NUDT9: variants seen among roughly 807,000 people sequenced by gnomAD.
NUDT9 encodes nudix hydrolase 9.
Under a neutral mutation model 41.0 loss-of-function variants are expected in NUDT9, and 31 were observed. The observed-to-expected ratio is 0.76, with a 90% CI of 0.57 to 1.02. NUDT9 has a LOEUF of 1.02. NUDT9 is among the 50% of genes least tolerant of loss of function. The pLI is 0.00. For synonymous variants in NUDT9, 146 were observed against 147.6 expected (o/e 0.99, Z 0.08); for missense variants, 380 against 431.4 (o/e 0.88, Z 1.06).
chr4:87,449,265 A>C lies in NUDT9; in HGVS notation c.642+12A>C. 1 of 1,395,526 alleles carries C rather than the reference A, an allele frequency of 7.2e-7. No homozygotes were observed. Among genetic ancestry groups the C allele is most frequent in the Non-Finnish European group, 1.0e-6 (1 of 981,372 alleles). 86.4% of individuals were successfully genotyped at this position (1,395,526 alleles called of 1,614,324 possible). Reference sequence around the variant, plus strand: ...GGGCAATCCCAGGGGTAAGCATTAAAATTAAATTAGTGTTTAAGTTCCTTT... The same window carrying C: ...GGGCAATCCCAGGGGTAAGCATTAACATTAAATTAGTGTTTAAGTTCCTTT... On this transcript the variant is annotated intron_variant, in intron 5 of 7. Transcript: ENST00000302174.
intron 2 of NUDT9, among the ~76,000 whole-genome samples, chr4:87,437,578 G>A (rs1722007950): frequency 6.6e-6 from 1 of 152,060 alleles, no homozygotes; most frequent in South Asian, 2.1e-4. Flanking sequence ...TCCTGACCTT[G>A]TGATCTGCCC....
At chr4:87,434,118 A>C (rs1721802273) in intron 1 of NUDT9, 1 of 152,164 alleles carries the variant, frequency 6.6e-6, no homozygotes, top group Admixed American at 6.5e-5. Context: ...GCAGTGCCAC[A>C]ATCTCGGCTC....
chr4:87,437,023 C>T (rs1470989478), intron 2 of NUDT9, among the ~76,000 whole-genome samples: 14 of 151,844 alleles, frequency 9.2e-5, no homozygotes, highest in African/African-American at 2.4e-4. Flanking sequence ...CCGAGGCAGG[C>T]GGATCACTTG....
chr4:87,430,115 A>G (rs1057475676), intron 1 of NUDT9, among the ~76,000 whole-genome samples: 2 of 152,212 alleles, frequency 1.3e-5, no homozygotes, highest in Non-Finnish European at 2.9e-5. Context: ...GATCAAAGAT[A>G]TGATTACTAA....
At chr4:87,445,288 C>A (rs991467607) in intron 4 of NUDT9, 1 of 152,126 alleles carries the variant, frequency 6.6e-6, no homozygotes, top group African/African-American at 2.4e-5. Context: ...ACTAGTGAGT[C>A]TTTACTATAC....
chr4:87,438,262 G>A lies in NUDT9; in HGVS notation c.348-15G>A, dbSNP rs188685158. ...AATCATTATTTCTTATTTTACATTGGTATTCTCATTACAGTGAAAGTAATT... is the reference window on the plus strand; with the variant it reads ...AATCATTATTTCTTATTTTACATTGATATTCTCATTACAGTGAAAGTAATT... On this transcript the variant is annotated splice_polypyrimidine_tract_variant and intron_variant, in intron 2 of 7. Transcript: ENST00000302174. 116 of 1,370,920 alleles carry A rather than the reference G, an allele frequency of 8.5e-5. 2 individuals are homozygous for A. In the East Asian group the frequency reaches 2.6e-3, roughly 31 times the overall value. The allele number at this position is 1,370,920 out of a possible 1,614,324, so 84.9% of individuals were successfully genotyped here. A position where few individuals can be genotyped will look rare whatever the true frequency, so the allele number is the denominator to read the frequency against.
chr4:87,447,919 C>T (rs1722531497), intron 4 of NUDT9, among the ~76,000 whole-genome samples: 2 of 151,578 alleles, frequency 1.3e-5, no homozygotes, highest in South Asian at 4.2e-4. Context: ...GTAGTCCTAG[C>T]TACACAGGAG....
intron 1 of NUDT9, among the ~76,000 whole-genome samples, chr4:87,426,794 G>A (rs901416278): frequency 6.6e-6 from 1 of 151,846 alleles, no homozygotes; most frequent in East Asian, 1.9e-4. Flanking sequence ...TCAGCACTTT[G>A]GAAGTCCGAG....
At chr4:87,454,520 G>T (rs1417094019) in intron 7 of NUDT9, 65 bp downstream of exon 7, 14 of 1,038,534 alleles carry the variant, frequency 1.3e-5, no homozygotes, top group Non-Finnish European at 1.2e-5. Context: ...GCCCACTAAG[G>T]CATGATTAAA....
Position 87,438,382 on chromosome 4 carries a change from G to T in NUDT9, c.443+10G>T. On this transcript the variant is annotated intron_variant, in intron 3 of 7. Transcript: ENST00000302174. ...AAAATGGAAGACCGAGGTAGGTACTGGGAGCAGAGCATCTTACAATAATGA... is the reference window on the plus strand; with the variant it reads ...AAAATGGAAGACCGAGGTAGGTACTTGGAGCAGAGCATCTTACAATAATGA... 6.7e-7 allele frequency: 1 copy of T among 1,483,872 alleles called. No homozygotes were observed. Among genetic ancestry groups the T allele is most frequent in the South Asian group, 1.1e-5 (1 of 88,060 alleles). The allele number at this position is 1,483,872 out of a possible 1,614,324, so 91.9% of individuals were successfully genotyped here.
At chr4:87,429,631 CT>C (rs999635512) in intron 1 of NUDT9, among the ~76,000 whole-genome samples, 11 of 150,306 alleles carry the variant, frequency 7.3e-5, no homozygotes, top group African/African-American at 2.7e-4. Flanking sequence ...CTTTCTTGTT[CT>C]TTTTTTCTTA....
At chr4:87,441,641 C>T (rs189702723) in intron 3 of NUDT9, among the ~76,000 whole-genome samples, 188 bp from the exon 4 acceptor site, 3 of 152,048 alleles carry the variant, frequency 2.0e-5, no homozygotes, top group Non-Finnish European at 2.9e-5. Flanking sequence ...ATATCACATG[C>T]GCAAAAGAAA....
At position 87,457,902 on chromosome 4, in the gene NUDT9, G is replaced by C; in HGVS notation, c.934G>C (p.Val312Leu). ...AGATGATGCTGGAAAAGTGAAATGG[G>C]TGGACATCAATGATAAACTGAAGCT... is the stretch of plus-strand genomic sequence containing the variant. Reference protein sequence around the residue: ...AGDDAGKVKWVDINDKLKLYA... With the variant: ...AGDDAGKVKWLDINDKLKLYA... The change falls in exon 8 of 8, where the codon GTG (valine) becomes CTG (leucine). Residue 312 changes from valine to leucine, a missense_variant. Transcript: ENST00000302174. 4 of 1,610,054 alleles carry C rather than the reference G, an allele frequency of 2.5e-6. No homozygotes were observed. Among genetic ancestry groups the C allele is most frequent in the Non-Finnish European group, 3.4e-6 (4 of 1,178,360 alleles).
At chr4:87,426,906 C>T (rs1034822281) in intron 1 of NUDT9, among the ~76,000 whole-genome samples, 1 of 145,632 alleles carries the variant, frequency 6.9e-6, no homozygotes, top group African/African-American at 2.5e-5. Flanking sequence ...GTCGCTCAGC[C>T]TACCTGATTT....
Position 87,454,284 on chromosome 4 carries a change from A to C in NUDT9, c.790-87A>C, listed in dbSNP as rs1722890859. 4 of 729,254 alleles carry C rather than the reference A, an allele frequency of 5.5e-6. No individual in the cohort carries two copies. In the Admixed American group the frequency reaches 7.6e-5, roughly 14 times the overall value. 45.2% of individuals were successfully genotyped at this position (729,254 alleles called of 1,614,324 possible). A position where few individuals can be genotyped will look rare whatever the true frequency, so the allele number is the denominator to read the frequency against. On this transcript the variant is annotated intron_variant, in intron 6 of 7. Coordinates refer to ENST00000302174, the MANE Select transcript of NUDT9 (RefSeq NM_024047.5). ...CATGTTGTTGGGCAACAGGATATTT[A>C]CATTTCTGATGCTAGTGAAGGTAAC...
chr4:87,426,902 C>T (rs1357913385), intron 1 of NUDT9, among the ~76,000 whole-genome samples: 2 of 137,218 alleles, frequency 1.5e-5, no homozygotes, highest in Non-Finnish European at 3.1e-5. Context: ...GGGAGTCGCT[C>T]AGCCTACCTG....
intron 1 of NUDT9, among the ~76,000 whole-genome samples, chr4:87,424,675 T>G (rs1332089487): frequency 6.6e-6 from 1 of 152,238 alleles, no homozygotes; most frequent in African/African-American, 2.4e-5. Context: ...TGGCATTTAT[T>G]CCTTCTCCTG....
At chr4:87,443,008 G>A (rs1340355584) in intron 4 of NUDT9, among the ~76,000 whole-genome samples, 1 of 152,118 alleles carries the variant, frequency 6.6e-6, no homozygotes, top group African/African-American at 2.4e-5. Context: ...CAGTAACATA[G>A]TCACTTATTA....
At chr4:87,443,325 G>A (rs1194224649) in intron 4 of NUDT9, among the ~76,000 whole-genome samples, 2 of 152,140 alleles carry the variant, frequency 1.3e-5, no homozygotes, top group African/African-American at 2.4e-5. Flanking sequence ...ATTTTAAAGA[G>A]ACTTTATATA....
Sources: gnomAD v4.1 joint callset for allele counts (sites outside exome capture counted in the v4.1 genomes callset) on GRCh38, gnomAD v4.1.1 for gene constraint, MANE v1.5 for transcripts, NCBI Gene and HGNC (gene_info 2026-07-23, HGNC 2026-07-21) for gene names.